ADCY3: variants seen among roughly 807,000 people sequenced by gnomAD.
ADCY3 encodes the protein adenylate cyclase 3.
ADCY3 carries 70 observed loss-of-function variants against 119.4 expected under a neutral mutation model. The observed-to-expected ratio is 0.59, with a 90% CI of 0.48 to 0.72. ADCY3 has a LOEUF of 0.72. Among genes scored for constraint, ADCY3 ranks in the 30% least tolerant of loss-of-function variants. The probability of loss-of-function intolerance (pLI) is 0.00; values close to 1 mark genes in which losing one functional copy is unlikely to be tolerated. For synonymous variants in ADCY3, 672 were observed against 621.4 expected, an observed-to-expected ratio of 1.08 and a Z score of -1.21; for missense variants, 1,238 against 1,541.6, an observed-to-expected ratio of 0.80 and a Z score of 3.30.
At chr2:24,832,577 T>G (rs6713448) in intron 11 of ADCY3, among the ~76,000 whole-genome samples, 21,542 of 152,158 alleles carry the variant, frequency 0.14, 1,581 homozygotes, top group East Asian at 0.21. Flanking sequence ...AGAAGCCTCC[T>G]GGTAGCTAAA....
At chr2:24,879,251 T>A (rs1236415117) in intron 2 of ADCY3, among the ~76,000 whole-genome samples, 2 of 151,732 alleles carry the variant, frequency 1.3e-5, no homozygotes, top group Non-Finnish European at 2.9e-5. Flanking sequence ...TGTGGGCAGA[T>A]CACAAGGTCA....
chr2:24,867,395 G>C (rs966387719), intron 3 of ADCY3, among the ~76,000 whole-genome samples: 10 of 152,186 alleles, frequency 6.6e-5, no homozygotes, highest in Non-Finnish European at 1.3e-4. Flanking sequence ...CCTTTAAGAG[G>C]GGATCAGGCC....
chr2:24,889,243 C>T (rs2148923689), intron 2 of ADCY3, among the ~76,000 whole-genome samples: 1 of 152,302 alleles, frequency 6.6e-6, no homozygotes, highest in South Asian at 2.1e-4. Context: ...ATGTCACTGC[C>T]TTCTTTCTGT....
intron 2 of ADCY3, among the ~76,000 whole-genome samples, chr2:24,915,544 T>C (rs1664345484): frequency 6.6e-6 from 1 of 152,052 alleles, no homozygotes; most frequent in African/African-American, 2.4e-5. Flanking sequence ...TGTTTTTTGT[T>C]GTTTTTGTTT....
chr2:24,822,263 C>T (rs754473225), intron 19 of ADCY3: 1 of 411,588 alleles, frequency 2.4e-6, no homozygotes, highest in Non-Finnish European at 4.3e-6. Flanking sequence ...CTTAGGGGGC[C>T]TGGCCACAGA....
At chr2:24,896,454 A>G (rs1234761664) in intron 2 of ADCY3, among the ~76,000 whole-genome samples, 1 of 150,960 alleles carries the variant, frequency 6.6e-6, no homozygotes, top group Non-Finnish European at 1.5e-5. Context: ...TGCTAGGTCT[A>G]TTTCTATTGA....
chr2:24,848,837 G>C (rs530423153), intron 3 of ADCY3, among the ~76,000 whole-genome samples: 1 of 152,338 alleles, frequency 6.6e-6, no homozygotes, highest in South Asian at 2.1e-4. Context: ...GTTCCAGTGA[G>C]ATGTGCCAGG....
intron 16 of ADCY3, 82 bp from the exon 17 acceptor site, chr2:24,824,618 G>A: frequency 4.0e-6 from 6 of 1,496,904 alleles, no homozygotes; most frequent in Non-Finnish European, 4.6e-6. Flanking sequence ...GCCAGGCGTG[G>A]CGGTTCATGC....
chr2:24,894,909 T>C (rs573297866), intron 2 of ADCY3, among the ~76,000 whole-genome samples: 5 of 152,240 alleles, frequency 3.3e-5, no homozygotes, highest in Admixed American at 3.3e-4. Context: ...TACTTTCTTT[T>C]TCAGTTCTAC....
intron 3 of ADCY3, among the ~76,000 whole-genome samples, chr2:24,860,049 A>T (rs1162283996): frequency 6.6e-6 from 1 of 152,196 alleles, no homozygotes; most frequent in African/African-American, 2.4e-5. Context: ...ACGCGTGTGA[A>T]GGAAGCATAG....
At chr2:24,826,364 C>G in intron 15 of ADCY3, 1 of 503,094 alleles carries the variant, frequency 2.0e-6, no homozygotes, top group Non-Finnish European at 3.6e-6. Context: ...CTGGTATTCA[C>G]ATCAGGGCTG....
chr2:24,873,951 G>C (rs1675338691), intron 2 of ADCY3, among the ~76,000 whole-genome samples: 1 of 152,238 alleles, frequency 6.6e-6, no homozygotes, highest in South Asian at 2.1e-4. Flanking sequence ...TGGCCTCAGA[G>C]TAGACTGTAT....
chr2:24,896,660 C>T (rs1158113318), intron 2 of ADCY3, among the ~76,000 whole-genome samples: 2 of 152,206 alleles, frequency 1.3e-5, no homozygotes, highest in African/African-American at 2.4e-5. Context: ...CAGTTGTTCT[C>T]TTCTGGTCTC....
chr2:24,890,071 G>A (rs1573002013), intron 2 of ADCY3, among the ~76,000 whole-genome samples: 1 of 152,092 alleles, frequency 6.6e-6, no homozygotes, highest in African/African-American at 2.4e-5. Context: ...TTCTGCATTT[G>A]ACAAAATTGA....
At chr2:24,884,606 T>G (rs900079275) in intron 2 of ADCY3, among the ~76,000 whole-genome samples, 4 of 151,022 alleles carry the variant, frequency 2.6e-5, no homozygotes, top group Non-Finnish European at 5.9e-5. Context: ...CTCCCGAGTA[T>G]CTGGGATTTA....
At position 24,838,515 on chromosome 2, in the gene ADCY3, T is replaced by G; in HGVS notation, c.1463A>C (p.Glu488Ala). The G allele has an allele frequency of 6.2e-7, 1 of 1,614,108 alleles. No homozygotes were observed. Among genetic ancestry groups the G allele is most frequent in the Non-Finnish European group, 8.5e-7 (1 of 1,180,026 alleles). The change falls in exon 8 of 22, where the codon GAA becomes GCA. Residue 488 changes from glutamate to alanine, a missense_variant. Around this residue, in one of 7 missense-constraint regions of ADCY3, gnomAD observed 283 missense variants for 437.2 expected, o/e 0.65. Transcript: ENST00000679454. ...CTTGGAGGCAATGATGAGGTAGGTT[T>G]CAATACCCTTCTCTTCTAGGTAATC... is the stretch of plus-strand genomic sequence containing the variant. ...RCDYLEEKGI[E>A]TYLIIASKPE...
chr2:24,853,005 GGTGT>G (rs58904311), intron 3 of ADCY3, among the ~76,000 whole-genome samples: 4,961 of 94,492 alleles, frequency 0.053, 117 homozygotes, highest in Admixed American at 0.065. Context: ...ACAGCTGGAG[GGTGT>G]GTGTGTGTGT....
chr2:24,886,923 A>C (rs1166101541), intron 2 of ADCY3, among the ~76,000 whole-genome samples: 2 of 152,148 alleles, frequency 1.3e-5, no homozygotes, highest in African/African-American at 2.4e-5. Context: ...AAAGGGGTGC[A>C]AATCACCAAC....
chr2:24,827,491 G>C (rs921339565), intron 15 of ADCY3, 55 bp downstream of exon 15: 3 of 1,542,228 alleles, frequency 1.9e-6, no homozygotes, highest in Non-Finnish European at 2.6e-6. Flanking sequence ...TTATATTCCT[G>C]TCTCTAGAAG....
Sources: gnomAD v4.1 joint callset for allele counts (sites outside exome capture counted in the v4.1 genomes callset) on GRCh38, gnomAD v4.1.1 for gene constraint, gnomAD v4.1.1 regional missense constraint, MANE v1.5 for transcripts, NCBI Gene and HGNC (gene_info 2026-07-23, HGNC 2026-07-21) for gene names.